ZFP1: variants seen among roughly 807,000 people sequenced by gnomAD.
ZFP1 encodes ZFP1 zinc finger protein.
A neutral mutation model predicts 38.5 loss-of-function variants in ZFP1; 32 were observed. The ratio of observed to expected loss-of-function variants is 0.83; its 90% CI spans 0.63 to 1.12. The LOEUF (loss-of-function observed/expected upper bound fraction) is 1.12, where lower values mean the gene tolerates loss of function less well. Ranked by LOEUF, ZFP1 falls within the 50% of genes most tolerant of loss-of-function variation. The pLI, the probability that ZFP1 is intolerant of heterozygous loss-of-function variation, is 0.00. For missense variants in ZFP1, 616 were observed against 480.8 expected (o/e 1.28, Z -2.63); for synonymous variants, 245 against 168.8 (o/e 1.45, Z -3.50).
At chr16:75,166,016 C>A (rs915805993) in intron 2 of ZFP1, among the ~76,000 whole-genome samples, 2 of 152,106 alleles carry the variant, frequency 1.3e-5, no homozygotes, top group African/African-American at 4.8e-5. Context: ...AAAAAATTTT[C>A]TACCATTTTT....
intron 2 of ZFP1, among the ~76,000 whole-genome samples, chr16:75,158,851 C>A (rs974091831): frequency 6.0e-5 from 9 of 150,670 alleles, no homozygotes; most frequent in Admixed American, 2.0e-4. Context: ...TATATAGGTA[C>A]TGTCTACATC....
At chr16:75,146,075 C>G (rs563114737), upstream of ZFP1, among the ~76,000 whole-genome samples, 49 of 152,312 alleles carry the variant, frequency 3.2e-4, 2 homozygotes, top group South Asian at 9.9e-3. Flanking sequence ...GCTGAGTAAG[C>G]TAGCCACGAC....
chr16:75,158,504 T>G (rs2037579943), intron 2 of ZFP1, among the ~76,000 whole-genome samples: 2 of 151,294 alleles, frequency 1.3e-5, no homozygotes, highest in Non-Finnish European at 3.0e-5. Flanking sequence ...CAGTTAATTT[T>G]AATTTTAATT....
rs1307307908 is a variant in ZFP1 at position 75,171,395 on chromosome 16, A to G, written c.*1061A>G. The stretch of plus-strand genomic sequence containing the variant: ...CACGTGCATAACCCCCTTTAGAAGT[A>G]AATTTTTACACTATTTTGTTGTTTA... On this transcript the variant is annotated 3_prime_UTR_variant, in exon 4 of 4. Coordinates refer to ENST00000570010, the MANE Select transcript of ZFP1 (RefSeq NM_153688.4). 1 of 152,222 alleles carries G rather than the reference A, an allele frequency of 6.6e-6. No homozygotes were observed. Among genetic ancestry groups the G allele is most frequent in the Non-Finnish European group, 1.5e-5 (1 of 68,030 alleles). 9.4% of individuals were successfully genotyped at this position (152,222 alleles called of 1,614,324 possible). A position where few individuals can be genotyped will look rare whatever the true frequency, so the allele number is the denominator to read the frequency against.
In ZFP1 at chr16:75,169,351, G is replaced by A. The variant is rs975232011; in HGVS notation, c.241G>A (p.Glu81Lys). The A allele has an allele frequency of 6.2e-7, 1 of 1,614,120 alleles. No homozygotes were observed. The highest frequency in any genetic ancestry group is 8.5e-7 in the Non-Finnish European group (1 of 1,180,020). Residue 81 changes from glutamate (E) to lysine (K), a missense_variant, in exon 4 of 4, where the codon GAA (glutamate) becomes AAA (lysine). Glu to Lys is a moderately conservative substitution (Grantham distance 56). Transcript: ENST00000570010. Reference sequence around the variant, plus strand: ...TCTTAAGAACCAAACCCCAATTGAGGAAAGAGGCGATCTCTTTGGAAAAGC... The same window carrying A: ...TCTTAAGAACCAAACCCCAATTGAGAAAAGAGGCGATCTCTTTGGAAAAGC... ...LILKNQTPIEERGDLFGKALN... is the reference protein window; with the variant it reads ...LILKNQTPIEKRGDLFGKALN...
At chr16:75,121,353 C>A in the ZFP1 span, among the ~76,000 whole-genome samples, 1 of 152,012 alleles carries the variant, frequency 6.6e-6, no homozygotes, top group Admixed American at 6.6e-5. Context: ...TTTCGATCTC[C>A]TGACCTTGTG....
upstream of ZFP1, among the ~76,000 whole-genome samples, chr16:75,143,499 GC>G (rs1345646864): frequency 6.6e-6 from 1 of 152,042 alleles, no homozygotes; most frequent in Admixed American, 6.6e-5. Flanking sequence ...GCCCGCCTTG[GC>G]CCCCCAAAGT....
chr16:75,144,946 C>T (rs183121003), upstream of ZFP1, among the ~76,000 whole-genome samples: 12 of 152,314 alleles, frequency 7.9e-5, no homozygotes, highest in Admixed American at 4.6e-4. Flanking sequence ...CTTCCTGCCT[C>T]GGCCTCCTGA....
rs76675093 is a variant in ZFP1 at position 75,170,405 on chromosome 16, G to C, written c.*71G>C. The C allele has an allele frequency of 1.8e-4, 271 of 1,479,630 alleles. 1 individual carries two copies. The East Asian group carries it at 5.7e-3, about 31-fold the overall frequency. 91.7% of individuals were successfully genotyped at this position (1,479,630 alleles called of 1,614,324 possible). A position where few individuals can be genotyped will look rare whatever the true frequency, so the allele number is the denominator to read the frequency against. On this transcript the variant is annotated 3_prime_UTR_variant, in exon 4 of 4. Transcript: ENST00000570010. ...CAAGCGGGTGAAAAACCTCATGACA[G>C]TATTGAGGGAACATGGGAATTCATA... is the stretch of plus-strand genomic sequence containing the variant.
the ZFP1 span, among the ~76,000 whole-genome samples, chr16:75,125,102 T>C: frequency 1.3e-5 from 2 of 151,006 alleles, no homozygotes; most frequent in Non-Finnish European, 3.0e-5. Context: ...GTACTAAAAA[T>C]ACAAAAATTA....
chr16:75,126,994 A>C, the ZFP1 span, among the ~76,000 whole-genome samples: 2 of 152,178 alleles, frequency 1.3e-5, no homozygotes, highest in Admixed American at 1.3e-4. Flanking sequence ...CAAAATTATG[A>C]GAAACTCCTA....
At chr16:75,147,186 C>T (rs1053228308), upstream of ZFP1, among the ~76,000 whole-genome samples, 18 of 151,978 alleles carry the variant, frequency 1.2e-4, no homozygotes, top group African/African-American at 3.9e-4. Context: ...CTATTCTGTA[C>T]GATACTGTAA....
At chr16:75,133,309 G>A in the ZFP1 span, among the ~76,000 whole-genome samples, 7 of 152,126 alleles carry the variant, frequency 4.6e-5, 1 homozygote, top group East Asian at 3.9e-4. Flanking sequence ...GGGTACATGC[G>A]CAGATTTGTT....
chr16:75,166,815 G>A lies in ZFP1; in HGVS notation c.61G>A (p.Glu21Lys). ...TGTGACTGTGGACTTTACCCAGGAG[G>A]AATGGGAACAACTGGACCCCTCTCA... ...TDVTVDFTQE[E>K]WEQLDPSQRI... The change falls in exon 3 of 4, where the codon GAA becomes AAA. Residue 21 changes from glutamate (E) to lysine (K), a missense_variant. Transcript: ENST00000570010. 6.2e-7 allele frequency: 1 copy of A among 1,614,160 alleles called. No individual in the cohort carries two copies. Among genetic ancestry groups the A allele is most frequent in the Non-Finnish European group, 8.5e-7 (1 of 1,180,028 alleles).
At chr16:75,165,257 C>T (rs2038007499) in intron 2 of ZFP1, among the ~76,000 whole-genome samples, 2 of 152,120 alleles carry the variant, frequency 1.3e-5, no homozygotes, top group South Asian at 4.1e-4. Context: ...CTTACTTGAC[C>T]CTTTATAGAA....
intron 2 of ZFP1, among the ~76,000 whole-genome samples, chr16:75,154,573 GTTT>G (rs33986637): frequency 0.01 from 1,151 of 111,282 alleles, 10 homozygotes; most frequent in Non-Finnish European, 0.013. Flanking sequence ...ATGAATGAGA[GTTT>G]TTTTTTTTTT....
chr16:75,170,229 CCA>C lies in ZFP1; in HGVS notation c.1124_1125del (p.Thr375ArgfsTer6). On this transcript the variant is annotated frameshift_variant, in exon 4 of 4. Coordinates refer to ENST00000570010, the MANE Select transcript of ZFP1 (RefSeq NM_153688.4). LOFTEE classifies it high-confidence loss of function. The part of the protein sequence containing the change: ...RSTLRLHLRI[H>X]TGEKPYECSE... ...CAACTCTTAGATTACACTTGCGAAT[CCA>C]CACAGGAGAGAAACCATATGAGTGT... The C allele has an allele frequency of 1.2e-6, 2 of 1,614,102 alleles. No individual in the cohort carries two copies. Among genetic ancestry groups the C allele is most frequent in the Non-Finnish European group, 1.7e-6 (2 of 1,180,010 alleles).
chr16:75,137,688 G>C, the ZFP1 span, among the ~76,000 whole-genome samples: 1 of 151,718 alleles, frequency 6.6e-6, no homozygotes, highest in Non-Finnish European at 1.5e-5. Context: ...GGATGGCCTC[G>C]ATCTCCTGAC....
chr16:75,161,603 A>G (rs181315856), intron 2 of ZFP1, among the ~76,000 whole-genome samples: 3 of 150,832 alleles, frequency 2.0e-5, no homozygotes, highest in Admixed American at 6.7e-5. Context: ...CAGTCTTCTT[A>G]CTTGTAACCT....
Sources: allele counts gnomAD v4.1 joint callset (sites outside exome capture counted in the v4.1 genomes callset), GRCh38; gene constraint gnomAD v4.1.1; transcripts MANE v1.5; gene names NCBI Gene and HGNC (gene_info 2026-07-23, HGNC 2026-07-21).